PLCB4: variants seen among roughly 807,000 people sequenced by gnomAD.
PLCB4 encodes 1-phosphatidylinositol 4,5-bisphosphate phosphodiesterase beta-4.
PLCB4 carries 77 observed loss-of-function variants against 178.8 expected under a neutral mutation model. That is an observed-to-expected ratio of 0.43 (90% CI 0.36 to 0.52). The LOEUF (loss-of-function observed/expected upper bound fraction) is 0.52, where lower values mean the gene tolerates loss of function less well. Among genes scored for constraint, PLCB4 ranks in the 20% least tolerant of loss-of-function variants. The pLI is 0.00. For synonymous variants in PLCB4, 496 were observed against 490.8 expected, an observed-to-expected ratio of 1.01 and a Z score of -0.14; for missense variants, 1,024 against 1,453.4, an observed-to-expected ratio of 0.70 and a Z score of 4.80.
chr20:9,280,308 C>A, intron 3 of PLCB4: 1 of 228,272 alleles, frequency 4.4e-6, no homozygotes, highest in Non-Finnish European at 7.3e-6. Context: ...CCTCCCATTT[C>A]CTGCGGAATT....
intron 2 of PLCB4, among the ~76,000 whole-genome samples, chr20:9,204,525 AT>A (rs752793295): frequency 1.3e-5 from 2 of 150,234 alleles, no homozygotes; most frequent in Non-Finnish European, 3.0e-5. Flanking sequence ...ATGCCTGGCT[AT>A]TTTTTTTTGT....
intron 2 of PLCB4, among the ~76,000 whole-genome samples, chr20:9,196,305 A>G (rs989403080): frequency 5.9e-5 from 9 of 152,212 alleles, no homozygotes; most frequent in Non-Finnish European, 1.3e-4. Flanking sequence ...TAGGAGGGCC[A>G]TATTATCAGG....
intron 32 of PLCB4, among the ~76,000 whole-genome samples, chr20:9,452,808 A>T: frequency 6.6e-6 from 1 of 152,212 alleles, no homozygotes; most frequent in Non-Finnish European, 1.5e-5. Context: ...ATTCAAATTC[A>T]GCTGATGGTG....
At chr20:9,069,645 G>A (rs1447333290) in intron 1 of PLCB4, among the ~76,000 whole-genome samples, 1 of 152,136 alleles carries the variant, frequency 6.6e-6, no homozygotes, top group Non-Finnish European at 1.5e-5. Context: ...TTGGGGGCAG[G>A]GTTCGGGCCT....
chr20:9,100,372 G>T (rs1478202801), intron 2 of PLCB4, among the ~76,000 whole-genome samples: 1 of 152,102 alleles, frequency 6.6e-6, no homozygotes, highest in Non-Finnish European at 1.5e-5. Flanking sequence ...AATTTTATTT[G>T]TTATTGTTAA....
intron 7 of PLCB4, among the ~76,000 whole-genome samples, chr20:9,343,059 T>A (rs1215288682): frequency 6.6e-6 from 1 of 151,776 alleles, no homozygotes; most frequent in Non-Finnish European, 1.5e-5. Context: ...GCTGGGAGAG[T>A]CCAGCACTCC....
Position 9,411,043 on chromosome 20 carries a change from C to T in PLCB4, c.2006C>T (p.Ala669Val), listed in dbSNP as rs781223972. 4 of 1,609,168 alleles carry T rather than the reference C, an allele frequency of 2.5e-6. No individual in the cohort carries two copies. Among genetic ancestry groups the T allele is most frequent in the Non-Finnish European group, 2.6e-6 (3 of 1,175,872 alleles). ...VSLNYQTPDL[A>V]MQLNQGKFEY... Reference sequence around the variant, plus strand: ...TATTTTTGTCTCTTGACAGATTTAGCGATGCAATTGAATCAGGGAAAATTT... The same window carrying T: ...TATTTTTGTCTCTTGACAGATTTAGTGATGCAATTGAATCAGGGAAAATTT... Residue 669 changes from alanine (A) to valine (V), a missense_variant, in exon 25 of 40, where the codon GCG becomes GTG. Physicochemically the swap from Ala to Val is moderately conservative, Grantham distance 64. Coordinates refer to ENST00000378473, the MANE Select transcript of PLCB4 (RefSeq NM_001377142.1).
At chr20:9,351,382 C>A (rs559310655) in intron 7 of PLCB4, among the ~76,000 whole-genome samples, 9 of 151,820 alleles carry the variant, frequency 5.9e-5, no homozygotes. Context: ...GATGAGACAC[C>A]ATTAACATCT....
At chr20:9,090,135 G>A (rs2090609708) in intron 1 of PLCB4, among the ~76,000 whole-genome samples, 1 of 151,848 alleles carries the variant, frequency 6.6e-6, no homozygotes, top group Non-Finnish European at 1.5e-5. Context: ...AAAATCATTG[G>A]CCTTTGGTGA....
intron 3 of PLCB4, among the ~76,000 whole-genome samples, chr20:9,271,592 A>G (rs979717580): frequency 6.6e-6 from 1 of 152,140 alleles, no homozygotes; most frequent in Non-Finnish European, 1.5e-5. Context: ...TAAGATGACA[A>G]CTGCTTGTCC....
chr20:9,107,108 C>T (rs1203544297), intron 2 of PLCB4, among the ~76,000 whole-genome samples: 1 of 152,106 alleles, frequency 6.6e-6, no homozygotes, highest in Admixed American at 6.5e-5. Flanking sequence ...GTCCCTGTCC[C>T]TTCGATTAGT....
At chr20:9,110,072 A>G (rs968909027) in intron 2 of PLCB4, among the ~76,000 whole-genome samples, 30 of 152,120 alleles carry the variant, frequency 2.0e-4, no homozygotes, top group African/African-American at 7.2e-4. Context: ...AGCAATGGGT[A>G]TTTTACTAAA....
chr20:9,087,710 A>G (rs1191982089), intron 1 of PLCB4, among the ~76,000 whole-genome samples: 6 of 152,218 alleles, frequency 3.9e-5, no homozygotes. Context: ...GGCCAAGGCT[A>G]TTGCACGTAG....
At chr20:9,092,494 A>T (rs2090728376) in intron 1 of PLCB4, among the ~76,000 whole-genome samples, 1 of 152,130 alleles carries the variant, frequency 6.6e-6, no homozygotes, top group African/African-American at 2.4e-5. Context: ...CTGAGCAGTT[A>T]TAGGGTGCAT....
intron 7 of PLCB4, among the ~76,000 whole-genome samples, chr20:9,342,165 C>G (rs531364350): frequency 6.6e-6 from 1 of 152,162 alleles, no homozygotes; most frequent in Non-Finnish European, 1.5e-5. Context: ...TTCTCCATCA[C>G]CACCGTTTTA....
chr20:9,251,723 ATGACT>A (rs2094182872), intron 3 of PLCB4, among the ~76,000 whole-genome samples: 1 of 86,030 alleles, frequency 1.2e-5, no homozygotes, highest in Non-Finnish European at 2.9e-5. Context: ...GCAATAATAA[ATGACT>A]GGCAATAATA....
intron 2 of PLCB4, among the ~76,000 whole-genome samples, chr20:9,134,691 T>C (rs2092346308): frequency 6.6e-6 from 1 of 152,138 alleles, no homozygotes; most frequent in East Asian, 1.9e-4. Context: ...TCCCAGAAAG[T>C]CCTTCTCAGA....
chr20:9,166,890 C>T (rs897631851), intron 2 of PLCB4, among the ~76,000 whole-genome samples: 6 of 152,060 alleles, frequency 3.9e-5, no homozygotes, highest in Non-Finnish European at 7.4e-5. Context: ...ACCCAAACTT[C>T]CCATGAAAAT....
chr20:9,238,274 A>C (rs1285845686), intron 3 of PLCB4, among the ~76,000 whole-genome samples: 1 of 152,202 alleles, frequency 6.6e-6, no homozygotes. Context: ...CTTCAATACA[A>C]GCAAACATCT....
Sources: gnomAD v4.1 joint callset for allele counts (sites outside exome capture counted in the v4.1 genomes callset) on GRCh38, gnomAD v4.1.1 for gene constraint, MANE v1.5 for transcripts, NCBI Gene and HGNC (gene_info 2026-07-23, HGNC 2026-07-21) for gene names.